LLGL1: variants seen among roughly 807,000 people sequenced by gnomAD.
LLGL1 encodes LLGL scribble cell polarity complex component 1.
LLGL1 carries 58 observed loss-of-function variants against 110.6 expected under a neutral mutation model. The ratio of observed to expected loss-of-function variants is 0.52; its 90% CI spans 0.42 to 0.65. LLGL1 has a LOEUF of 0.65. LLGL1 is among the 30% of genes least tolerant of loss of function. The probability of loss-of-function intolerance (pLI) is 0.00; values close to 1 mark genes in which losing one functional copy is unlikely to be tolerated. For missense variants in LLGL1, 1,229 were observed against 1,462.1 expected, an observed-to-expected ratio of 0.84 and a Z score of 2.60; for synonymous variants, 674 against 607.2, an observed-to-expected ratio of 1.11 and a Z score of -1.62.
At position 18,242,233 on chromosome 17, in the gene LLGL1, C is replaced by G. The variant is rs1287036922; in HGVS notation, c.2950C>G (p.Gln984Glu). 1 of 1,614,008 alleles carries G rather than the reference C, an allele frequency of 6.2e-7. No individual in the cohort carries two copies. Among genetic ancestry groups the G allele is most frequent in the African/African-American group, 1.3e-5 (1 of 74,930 alleles). The change falls in exon 20 of 23, where the codon CAG becomes GAG. Residue 984 changes from glutamine (Q) to glutamate (E), a missense_variant. Coordinates refer to ENST00000316843, the MANE Select transcript of LLGL1 (RefSeq NM_004140.4). The part of the protein sequence containing the change: ...NGTPSILLAP[Q>E]SLDGSPDPAH... ...GACCCCAAGCATCCTGCTGGCCCCA[C>G]AGAGCCTTGATGGAAGCCCTGATCC...
In LLGL1 at chr17:18,232,708, C is replaced by T; in HGVS notation, c.298C>T (p.His100Tyr). The part of the protein sequence containing the change: ...LLSLLDDSSL[H>Y]LWEIVHHNGC... ...GTCCCTGCTTGATGACAGCAGTCTG[C>T]ATCTCTGGGAGATTGTCCACCATAA... is the stretch of plus-strand genomic sequence containing the variant. The change falls in exon 4 of 23, where the codon CAT becomes TAT. Residue 100 changes from histidine to tyrosine, a missense_variant. Coordinates refer to ENST00000316843, the MANE Select transcript of LLGL1 (RefSeq NM_004140.4). 1 of 1,614,184 alleles carries T rather than the reference C, an allele frequency of 6.2e-7. No individual in the cohort carries two copies. The highest frequency in any genetic ancestry group is 8.5e-7 in the Non-Finnish European group (1 of 1,180,028).
Position 18,242,273 on chromosome 17 carries a change from G to A in LLGL1, c.2990G>A (p.Gly997Glu). The A allele has an allele frequency of 6.2e-7, 1 of 1,613,284 alleles. No individual in the cohort carries two copies. Among genetic ancestry groups the A allele is most frequent in the South Asian group, 1.1e-5 (1 of 91,072 alleles). Residue 997 changes from glycine to glutamate, a missense_variant, in exon 20 of 23, where the codon GGA becomes GAA. Coordinates refer to ENST00000316843, the MANE Select transcript of LLGL1 (RefSeq NM_004140.4). ...AGCCCTGATCCAGCCCACAGCATGGGACCTGGTGAGGGGGGCATGAAAGGG... is the reference window on the plus strand; with the variant it reads ...AGCCCTGATCCAGCCCACAGCATGGAACCTGGTGAGGGGGGCATGAAAGGG... The part of the protein sequence containing the change: ...DGSPDPAHSM[G>E]PDTPEPPEAA...
chr17:18,241,571 G>A lies in LLGL1; in HGVS notation c.2623G>A (p.Glu875Lys). 1 of 1,613,834 alleles carries A rather than the reference G, an allele frequency of 6.2e-7. No homozygotes were observed. The highest frequency in any genetic ancestry group is 8.5e-7 in the Non-Finnish European group (1 of 1,180,038). Residue 875 changes from glutamate (E) to lysine (K), a missense_variant, in exon 18 of 23, where the codon GAG becomes AAG. Transcript: ENST00000316843. ...CAGTGTGGCCTGCGAGGACTATGCT[G>A]AGACCTGCCTGGCCTGCCTCACCAA... ...FASVACEDYA[E>K]TCLACLTNLG...
chr17:18,233,859 C>T lies in LLGL1; in HGVS notation c.474C>T (p.Ser158=), dbSNP rs761768627. ...SDIAALGTEG[S]SVFFLDVTTL... ...TAGCAGCCCTGGGCACTGAGGGCAG[C>T]AGTGTCTTCTTCCTGGATGTTACCA... The change falls in exon 5 of 23, where the codon AGC becomes AGT. Residue 158 remains serine (S), a synonymous_variant. Coordinates refer to ENST00000316843, the MANE Select transcript of LLGL1 (RefSeq NM_004140.4). The T allele has an allele frequency of 3.2e-5, 51 of 1,613,842 alleles. No homozygotes were observed. The highest frequency in any genetic ancestry group is 3.9e-5 in the Non-Finnish European group (46 of 1,179,992).
rs777155560 is a variant in LLGL1 at position 18,240,854 on chromosome 17, C to T, written c.2483C>T (p.Ala828Val). 14 of 1,540,956 alleles carry T rather than the reference C, an allele frequency of 9.1e-6. No individual in the cohort carries two copies. In the South Asian group the frequency reaches 1.4e-4, roughly 16 times the overall value. ...DMQGGHAVLI[A>V]SEEQFKVFTL... ...CAGGGTGGTCACGCTGTGCTCATCG[C>T]ATCTGAGGAGCAGTTCAAGGTGAGC... is the stretch of plus-strand genomic sequence containing the variant. Residue 828 changes from alanine to valine, a missense_variant, in exon 17 of 23, where the codon GCA becomes GTA. By Grantham distance (64) the Ala-to-Val change is moderately conservative (BLOSUM62 0). Coordinates refer to ENST00000316843, the MANE Select transcript of LLGL1 (RefSeq NM_004140.4). The surrounding 1 kb of genome is among the most constrained non-coding windows in gnomAD (Gnocchi z 5.3).
intron 11 of LLGL1, chr17:18,235,791 C>T (rs2142632984): frequency 5.7e-6 from 3 of 522,918 alleles, no homozygotes; most frequent in Middle Eastern, 5.2e-4. Context: ...CCTGCCTGCC[C>T]TGGGACTGGA....
At chr17:18,232,884 C>T (rs1430339000) in intron 4 of LLGL1, 82 bp downstream of exon 4, 1 of 1,569,690 alleles carries the variant, frequency 6.4e-7, no homozygotes, top group Non-Finnish European at 8.7e-7. Flanking sequence ...GCAAAGGCAG[C>T]ATGGAGATGG....
chr17:18,237,649 C>T lies in LLGL1; in HGVS notation c.1780C>T (p.Gln594Ter). 2 of 1,612,128 alleles carry T rather than the reference C, an allele frequency of 1.2e-6. No homozygotes were observed. The highest frequency in any genetic ancestry group is 1.7e-6 in the Non-Finnish European group (2 of 1,179,966). ...TGGCTTCCAGCCCCGTGTCCTGGTG[C>T]AGTGCCTGCCGCCAGCTGCTGTAAC... ...PAGFQPRVLVQCLPPAAVTAV... is the reference protein window; with the variant it reads ...PAGFQPRVLV The change falls in exon 14 of 23, where the codon CAG becomes TAG. Residue 594 changes from glutamine to a stop codon, truncating the protein, a stop_gained. Transcript: ENST00000316843. LOFTEE classifies it high-confidence loss of function.
chr17:18,239,826 G>A (rs563286556), intron 16 of LLGL1, among the ~76,000 whole-genome samples: 3 of 152,074 alleles, frequency 2.0e-5, no homozygotes, highest in South Asian at 2.1e-4. Context: ...CCACTGGCCC[G>A]AGAAGGCCGA....
At position 18,235,482 on chromosome 17, in the gene LLGL1, A is replaced by T. The variant is rs201308585; in HGVS notation, c.1297A>T (p.Thr433Ser). Reference sequence around the variant, plus strand: ...CACCCCCTCCCAGAGCTGGCCCATCACTGGGGGCCGAAACCTGGCCCAGGA... The same window carrying T: ...CACCCCCTCCCAGAGCTGGCCCATCTCTGGGGGCCGAAACCTGGCCCAGGA... ...PVSSALSWPI[T>S]GGRNLAQEPS... The change falls in exon 11 of 23, where the codon ACT (threonine) becomes TCT (serine). Residue 433 changes from threonine (T) to serine (S), a missense_variant. Coordinates refer to ENST00000316843, the MANE Select transcript of LLGL1 (RefSeq NM_004140.4). 4.6e-5 allele frequency: 75 copies of T among 1,613,988 alleles called. No homozygotes were observed. In the African/African-American group the frequency reaches 8.3e-4, roughly 18 times the overall value.
intron 14 of LLGL1, 70 bp downstream of exon 14, chr17:18,237,843 C>T: frequency 1.3e-6 from 2 of 1,506,662 alleles, no homozygotes; most frequent in Non-Finnish European, 1.8e-6. Context: ...CCGTTTCCAC[C>T]TCTAGTGTTT....
At chr17:18,237,393 G>A in intron 13 of LLGL1, 88 bp from the exon 14 acceptor site, 1 of 1,324,490 alleles carries the variant, frequency 7.6e-7, no homozygotes. Context: ...GGTGGTGGCT[G>A]GGGCTGCTTC....
intron 4 of LLGL1, 137 bp from the exon 5 acceptor site, chr17:18,233,641 G>A (rs2047618823): frequency 1.2e-6 from 1 of 821,050 alleles, no homozygotes; most frequent in Non-Finnish European, 1.9e-6. Flanking sequence ...ATGTCTTCCT[G>A]GGGTGGCTCT....
In LLGL1 at chr17:18,241,938, A is replaced by C; in HGVS notation, c.2821A>C (p.Asn941His). The C allele has an allele frequency of 1.2e-6, 2 of 1,614,128 alleles. No individual in the cohort carries two copies. Among genetic ancestry groups the C allele is most frequent in the Non-Finnish European group, 1.7e-6 (2 of 1,179,988 alleles). ...TGAACGCTTCTCCCTAAGTGCCCGG[A>C]ACATCACAGAGCCGCTCTGCTCTCT... Reference protein sequence around the residue: ...EFERFSLSARNITEPLCSLDI... With the variant: ...EFERFSLSARHITEPLCSLDI... The change falls in exon 19 of 23, where the codon AAC (asparagine) becomes CAC (histidine). Residue 941 changes from asparagine to histidine, a missense_variant. Transcript: ENST00000316843.
intron 1 of LLGL1, among the ~76,000 whole-genome samples, chr17:18,227,671 A>G (rs1338943538): frequency 6.6e-6 from 1 of 152,254 alleles, no homozygotes; most frequent in Non-Finnish European, 1.5e-5. Flanking sequence ...GATTACAGAC[A>G]TGAGCTGCCA....
At position 18,237,648 on chromosome 17, in the gene LLGL1, G is replaced by T. The variant is rs374768507; in HGVS notation, c.1779G>T (p.Val593=). 2.7e-4 allele frequency: 433 copies of T among 1,612,022 alleles called. 1 individual carries two copies. Among genetic ancestry groups the T allele is most frequent in the Non-Finnish European group, 9.7e-5 (114 of 1,179,968 alleles). The part of the protein sequence containing the change: ...WPAGFQPRVL[V]QCLPPAAVTA... ...CTGGCTTCCAGCCCCGTGTCCTGGT[G>T]CAGTGCCTGCCGCCAGCTGCTGTAA... Residue 593 remains valine (V), a synonymous_variant, in exon 14 of 23, where the codon GTG becomes GTT. Coordinates refer to ENST00000316843, the MANE Select transcript of LLGL1 (RefSeq NM_004140.4).
intron 1 of LLGL1, among the ~76,000 whole-genome samples, chr17:18,229,008 C>G (rs1456228705): frequency 6.6e-6 from 1 of 152,060 alleles, no homozygotes. Flanking sequence ...TGTGCATCTT[C>G]CTGAGGCAGT....
At chr17:18,236,562 G>C (rs367720046) in intron 11 of LLGL1, 45 bp from the exon 12 acceptor site, 6 of 1,572,638 alleles carry the variant, frequency 3.8e-6, no homozygotes, top group Non-Finnish European at 5.2e-6. Context: ...GGGCGTGCAG[G>C]CCTCCCAGGA....
intron 19 of LLGL1, 42 bp from the exon 20 acceptor site, chr17:18,242,122 CAA>C: frequency 1.3e-6 from 2 of 1,572,946 alleles, no homozygotes; most frequent in Non-Finnish European, 1.8e-6. Flanking sequence ...GTGCCAGCCT[CAA>C]GTCATCCACC....
Sources: gnomAD v4.1 joint callset for allele counts (sites outside exome capture counted in the v4.1 genomes callset) on GRCh38, gnomAD v4.1.1 for gene constraint, Gnocchi (gnomAD v3.1) non-coding constraint, MANE v1.5 for transcripts, NCBI Gene and HGNC (gene_info 2026-07-23, HGNC 2026-07-21) for gene names.